EXOC4: variants seen among roughly 807,000 people sequenced by gnomAD.
EXOC4 encodes exocyst complex component 4, also known as SEC8-like 1.
A neutral mutation model predicts 107.2 loss-of-function variants in EXOC4; 71 were observed. The ratio of observed to expected loss-of-function variants is 0.66; its 90% CI spans 0.55 to 0.81. The LOEUF (loss-of-function observed/expected upper bound fraction) is 0.81, where lower values mean the gene tolerates loss of function less well. EXOC4 is among the 30% of genes least tolerant of loss of function. The pLI, the probability that EXOC4 is intolerant of heterozygous loss-of-function variation, is 0.00. For missense variants in EXOC4, 1,108 were observed against 1,189.6 expected, an observed-to-expected ratio of 0.93 and a Z score of 1.01; for synonymous variants, 456 against 441.2, an observed-to-expected ratio of 1.03 and a Z score of -0.42.
At chr7:133,621,833 T>G (rs1341443219) in intron 9 of EXOC4, among the ~76,000 whole-genome samples, 5 of 152,220 alleles carry the variant, frequency 3.3e-5, no homozygotes, top group Non-Finnish European at 7.3e-5. Context: ...AAACCATAGC[T>G]TTTTTCTGTG....
At position 133,512,014 on chromosome 7, in the gene EXOC4, A is replaced by C. The variant is rs528679853; in HGVS notation, c.1417+31876A>C. On this transcript the variant is annotated intron_variant, in intron 9 of 17. Coordinates refer to ENST00000253861, the MANE Select transcript of EXOC4 (RefSeq NM_021807.4). Reference sequence around the variant, plus strand: ...CTCAGCTTGGAGAATTCAGATGTCGATGAGACAAAATGGATCCTACTCTCC... The same window carrying C: ...CTCAGCTTGGAGAATTCAGATGTCGCTGAGACAAAATGGATCCTACTCTCC... Among the ~76,000 whole-genome samples the C allele has an allele frequency of 2.0e-5, 3 of 152,298 alleles. No homozygotes were observed. The South Asian group carries it at 6.2e-4, about 32-fold the overall frequency.
intron 10 of EXOC4, among the ~76,000 whole-genome samples, chr7:133,757,007 T>C (rs1795932565): frequency 6.6e-6 from 1 of 152,160 alleles, no homozygotes; most frequent in Non-Finnish European, 1.5e-5. Flanking sequence ...AAAATATGTA[T>C]TAAGGGATTG....
At chr7:134,047,358 T>G (rs1194697239) in intron 17 of EXOC4, among the ~76,000 whole-genome samples, 1 of 152,126 alleles carries the variant, frequency 6.6e-6, no homozygotes, top group Non-Finnish European at 1.5e-5. Flanking sequence ...AGAGCCACAT[T>G]GTGGAGCAGC....
chr7:133,343,538 A>G (rs893936201), intron 5 of EXOC4, among the ~76,000 whole-genome samples: 8 of 150,942 alleles, frequency 5.3e-5, no homozygotes, highest in African/African-American at 9.7e-5. Flanking sequence ...CAGCCTCCCA[A>G]TGTGACAGGA....
At chr7:133,606,091 C>T (rs1169131063) in intron 9 of EXOC4, among the ~76,000 whole-genome samples, 3 of 152,104 alleles carry the variant, frequency 2.0e-5, no homozygotes, top group Admixed American at 6.5e-5. Context: ...TTGACTAAGA[C>T]CATTTTAAGA....
At chr7:133,292,202 G>GGT (rs1462236680) in intron 3 of EXOC4, among the ~76,000 whole-genome samples, 1 of 152,160 alleles carries the variant, frequency 6.6e-6, no homozygotes. Context: ...AAATTAGATG[G>GGT]GTGTGGTGGT....
chr7:133,753,129 T>C (rs1303491747), intron 10 of EXOC4, among the ~76,000 whole-genome samples: 2 of 152,262 alleles, frequency 1.3e-5, no homozygotes, highest in Non-Finnish European at 2.9e-5. Context: ...AAGAACTCAA[T>C]CTTTTAAAAA....
intron 14 of EXOC4, among the ~76,000 whole-genome samples, chr7:133,971,120 G>A (rs966283715): frequency 2.0e-5 from 3 of 151,816 alleles, no homozygotes; most frequent in Non-Finnish European, 4.4e-5. Context: ...GCCCGGGCTT[G>A]ACTTTCTGAT....
intron 10 of EXOC4, among the ~76,000 whole-genome samples, chr7:133,666,011 C>T (rs141203936): frequency 6.6e-6 from 1 of 152,186 alleles, no homozygotes; most frequent in East Asian, 1.9e-4. Flanking sequence ...ATTTTCAGTA[C>T]CAATTTGTTT....
chr7:133,502,539 G>T (rs909033364), intron 9 of EXOC4, among the ~76,000 whole-genome samples: 4 of 152,034 alleles, frequency 2.6e-5, no homozygotes, highest in African/African-American at 7.2e-5. Context: ...TTTGTGTGTG[G>T]GGGGAGTCTG....
intron 10 of EXOC4, among the ~76,000 whole-genome samples, chr7:133,749,964 T>G (rs983639976): frequency 1.1e-4 from 16 of 144,324 alleles, no homozygotes; most frequent in South Asian, 2.2e-4. Context: ...AGTTTTTTTT[T>G]TTTTTTTTTT....
intron 1 of EXOC4, among the ~76,000 whole-genome samples, chr7:133,258,498 G>C (rs1795068433): frequency 6.6e-6 from 1 of 152,180 alleles, no homozygotes; most frequent in Non-Finnish European, 1.5e-5. Flanking sequence ...TCCTCATTTG[G>C]AAAGTGGGCT....
intron 3 of EXOC4, among the ~76,000 whole-genome samples, chr7:133,302,390 AT>A (rs1469130156): frequency 1.4e-4 from 21 of 152,194 alleles, no homozygotes; most frequent in Non-Finnish European, 2.2e-4. Context: ...CGGTGAAAAA[AT>A]TCACTGGTAG....
At chr7:134,046,808 G>A (rs1216540964) in intron 17 of EXOC4, among the ~76,000 whole-genome samples, 1 of 152,104 alleles carries the variant, frequency 6.6e-6, no homozygotes, top group Admixed American at 6.5e-5. Flanking sequence ...CTAAACACCA[G>A]CAAGCTCTCA....
At chr7:133,929,901 C>G (rs1800138627) in intron 13 of EXOC4, among the ~76,000 whole-genome samples, 1 of 152,150 alleles carries the variant, frequency 6.6e-6, no homozygotes, top group African/African-American at 2.4e-5. Flanking sequence ...TTACCTGACA[C>G]CTCCTTGCTT....
At chr7:133,843,051 C>T (rs530068944) in intron 11 of EXOC4, among the ~76,000 whole-genome samples, 2 of 152,160 alleles carry the variant, frequency 1.3e-5, no homozygotes, top group Non-Finnish European at 2.9e-5. Flanking sequence ...CAGTACCATG[C>T]TGTTTTGGTT....
At chr7:133,622,944 G>A (rs924317121) in intron 9 of EXOC4, among the ~76,000 whole-genome samples, 2 of 152,152 alleles carry the variant, frequency 1.3e-5, no homozygotes, top group African/African-American at 4.8e-5. Context: ...TACTCTATGT[G>A]TGACCTTGAG....
intron 10 of EXOC4, among the ~76,000 whole-genome samples, chr7:133,694,592 A>G (rs1034256425): frequency 2.0e-5 from 3 of 152,146 alleles, no homozygotes; most frequent in Admixed American, 6.5e-5. Context: ...TATTTTTTAA[A>G]TTGTTACATA....
At chr7:134,071,313 C>T (rs1243883017), downstream of EXOC4, among the ~76,000 whole-genome samples, 1 of 152,200 alleles carries the variant, frequency 6.6e-6, no homozygotes, top group Non-Finnish European at 1.5e-5. Flanking sequence ...TACCACTCGT[C>T]TCACAACAGC....
Sources: gnomAD v4.1 joint callset for allele counts (sites outside exome capture counted in the v4.1 genomes callset) on GRCh38, gnomAD v4.1.1 for gene constraint, MANE v1.5 for transcripts, NCBI Gene and HGNC (gene_info 2026-07-23, HGNC 2026-07-21) for gene names.